Variants in MROH1 observed in about 807,000 individuals in gnomAD.
MROH1 encodes the protein maestro heat like repeat family member 1, also known as maestro heat-like repeat-containing protein family member 1.
In MROH1, 117 loss-of-function variants were observed where a neutral mutation model predicts 116.5. The ratio of observed to expected loss-of-function variants is 1.00; its 90% CI spans 0.86 to 1.17. The LOEUF is 1.17. MROH1 is among the 50% of genes most tolerant of loss of function. MROH1 has a pLI of 0.00. For synonymous variants in MROH1, 921 were observed against 583.9 expected, an observed-to-expected ratio of 1.58 and a Z score of -8.32; for missense variants, 1,873 against 1,338.5, an observed-to-expected ratio of 1.40 and a Z score of -6.23.
At chr8:144,222,748 G>A (rs1240061292) in intron 13 of MROH1, among the ~76,000 whole-genome samples, 1 of 152,016 alleles carries the variant, frequency 6.6e-6, no homozygotes, top group Non-Finnish European at 1.5e-5. Context: ...AAGTGTGGGT[G>A]CAGGCATAGG....
In MROH1 at chr8:144,163,931, G is replaced by C; in HGVS notation, c.22+83G>C. ...TCAGGGCAGGCCAAGGCTCTTACCA[G>C]CTCCAATGGTGCCTAGAGTTTCCAC... is the stretch of plus-strand genomic sequence containing the variant. On this transcript the variant is annotated intron_variant, in intron 3 of 43. Coordinates refer to ENST00000326134, the MANE Select transcript of MROH1 (RefSeq NM_032450.3). The surrounding 1 kb of genome is among the most constrained non-coding windows in gnomAD (Gnocchi z 4.4). The C allele has an allele frequency of 6.8e-7, 1 of 1,463,038 alleles. No individual in the cohort carries two copies. Among genetic ancestry groups the C allele is most frequent in the Non-Finnish European group, 9.5e-7 (1 of 1,053,276 alleles). 90.6% of individuals were successfully genotyped at this position (1,463,038 alleles called of 1,614,324 possible). A position where few individuals can be genotyped will look rare whatever the true frequency, so the allele number is the denominator to read the frequency against.
chr8:144,197,981 G>A (rs1308452479), intron 10 of MROH1, among the ~76,000 whole-genome samples: 1 of 149,940 alleles, frequency 6.7e-6, no homozygotes, highest in Non-Finnish European at 1.5e-5. Flanking sequence ...CCCGGGAGGC[G>A]GAGGTTGCAG....
intron 12 of MROH1, among the ~76,000 whole-genome samples, chr8:144,210,579 C>T (rs1191580043): frequency 6.6e-6 from 1 of 152,144 alleles, no homozygotes; most frequent in Admixed American, 6.6e-5. Context: ...GTCCCAGCTA[C>T]TCAGGAGGCT....
chr8:144,240,876 T>C, intron 20 of MROH1, 116 bp from the exon 21 acceptor site: 1 of 703,610 alleles, frequency 1.4e-6, no homozygotes, highest in Non-Finnish European at 2.6e-6. Flanking sequence ...AGACTCACCC[T>C]GCAGTTCTCA....
rs1448382874 is a variant in MROH1 at position 144,233,711 on chromosome 8, A to G, written c.1339-5045A>G. On this transcript the variant is annotated intron_variant, in intron 14 of 43. Coordinates refer to ENST00000326134, the MANE Select transcript of MROH1 (RefSeq NM_032450.3). ...TCAGGGCTCAATATTCCCTGTGTGG[A>G]GATGGCGAAGTGCTTATCCCACTTG... 2.6e-5 allele frequency among the ~76,000 whole-genome samples: 4 copies of G among 152,188 alleles called. No individual in the cohort carries two copies. The South Asian group carries it at 8.3e-4, about 31-fold the overall frequency.
intron 4 of MROH1, among the ~76,000 whole-genome samples, chr8:144,169,721 C>T (rs1428805477): frequency 1.3e-5 from 2 of 150,324 alleles, no homozygotes; most frequent in African/African-American, 4.9e-5. Flanking sequence ...CGGCTCACTG[C>T]AACCTCCACC....
At position 144,261,880 on chromosome 8, in the gene MROH1, C is replaced by A; in HGVS notation, c.*140C>A. ...GAACAGGCACTGCTGGGGACCAAAC[C>A]CAAGCCCTTCAGTGAGGGATGTGCC... On this transcript the variant is annotated 3_prime_UTR_variant, in exon 44 of 44. Coordinates refer to ENST00000326134, the MANE Select transcript of MROH1 (RefSeq NM_032450.3). 1.5e-6 allele frequency: 1 copy of A among 675,982 alleles called. No homozygotes were observed. The highest frequency in any genetic ancestry group is 2.7e-6 in the Non-Finnish European group (1 of 373,508). 41.9% of individuals were successfully genotyped at this position (675,982 alleles called of 1,614,324 possible).
At chr8:144,241,813 T>G (rs988574686) in intron 22 of MROH1, among the ~76,000 whole-genome samples, 1 of 152,216 alleles carries the variant, frequency 6.6e-6, no homozygotes, top group Non-Finnish European at 1.5e-5. Context: ...GGCTGGCAGA[T>G]TCTGCGTTCT....
intron 1 of MROH1, among the ~76,000 whole-genome samples, chr8:144,151,488 A>C (rs1479960099): frequency 6.6e-6 from 1 of 152,150 alleles, no homozygotes; most frequent in Non-Finnish European, 1.5e-5. Context: ...CAAGCAGCCC[A>C]ACTCCAGAGG....
intron 35 of MROH1, 130 bp from the exon 36 acceptor site, chr8:144,258,647 G>A: frequency 1.5e-6 from 1 of 677,536 alleles, no homozygotes; most frequent in Non-Finnish European, 2.7e-6. Context: ...GCTTCCTGGA[G>A]AGTGGCTCTG....
intron 23 of MROH1, 38 bp downstream of exon 23, chr8:144,242,553 G>A (rs1841187281): frequency 5.1e-6 from 4 of 780,304 alleles, no homozygotes; most frequent in East Asian, 4.8e-5. Context: ...AGGGGAGCTG[G>A]GGCTGCCGGG....
rs1350206574 is a variant in MROH1 at position 144,223,185 on chromosome 8, G to A, written c.1293G>A (p.Met431Ile). The A allele has an allele frequency of 6.2e-7, 1 of 1,611,902 alleles. No individual in the cohort carries two copies. Among genetic ancestry groups the A allele is most frequent in the Non-Finnish European group, 8.5e-7 (1 of 1,179,188 alleles). Residue 431 changes from methionine to isoleucine, a missense_variant, in exon 14 of 44, where the codon ATG becomes ATA. Coordinates refer to ENST00000326134, the MANE Select transcript of MROH1 (RefSeq NM_032450.3). ...GYLEQPGGEA[M>I]IEYIVQQCAL... The stretch of plus-strand genomic sequence containing the variant: ...TGGAGCAGCCTGGAGGTGAGGCGAT[G>A]ATCGAGTACATCGTGCAGCAGTGCG...
intron 1 of MROH1, among the ~76,000 whole-genome samples, chr8:144,160,593 A>G (rs1248716698): frequency 1.3e-5 from 2 of 152,166 alleles, no homozygotes; most frequent in Non-Finnish European, 2.9e-5. Flanking sequence ...GGCACCAGAC[A>G]AATTTATTAC....
intron 9 of MROH1, 32 bp downstream of exon 9, chr8:144,191,887 C>A: frequency 6.2e-7 from 1 of 1,611,436 alleles, no homozygotes. Flanking sequence ...CTACTGTCCC[C>A]GAGGACCCCT....
Position 144,259,372 on chromosome 8 carries a change from C to T in MROH1, c.4044+18C>T, listed in dbSNP as rs978227377. The stretch of plus-strand genomic sequence containing the variant: ...TGGCCGAGGTAGGCCCTTCCAGGGA[C>T]GGATGCTGGGCACCAAGGTGGGGCT... On this transcript the variant is annotated intron_variant, in intron 37 of 43. Coordinates refer to ENST00000326134, the MANE Select transcript of MROH1 (RefSeq NM_032450.3). The T allele has an allele frequency of 8.5e-5, 61 of 714,774 alleles. No individual in the cohort carries two copies. The Middle Eastern group carries it at 1.1e-3, about 13-fold the overall frequency. The allele number at this position is 714,774 out of a possible 1,614,324, so 44.3% of individuals were successfully genotyped here.
At chr8:144,223,028 C>T (rs1837116387) in intron 13 of MROH1, 80 bp from the exon 14 acceptor site, 1 of 1,579,214 alleles carries the variant, frequency 6.3e-7, no homozygotes, top group South Asian at 1.2e-5. Flanking sequence ...GGGAGGAAGA[C>T]TGAGGTTCCT....
intron 7 of MROH1, among the ~76,000 whole-genome samples, chr8:144,184,275 T>C (rs1445058435): frequency 6.6e-6 from 1 of 152,152 alleles, no homozygotes; most frequent in Non-Finnish European, 1.5e-5. Flanking sequence ...TCAGGCTGCA[T>C]GGCAGTGGCT....
chr8:144,248,660 C>T (rs1399010171), intron 31 of MROH1, among the ~76,000 whole-genome samples: 2 of 152,224 alleles, frequency 1.3e-5, no homozygotes, highest in Admixed American at 6.5e-5. Context: ...TCCAGGAGCC[C>T]GCCCAGGTTC....
intron 7 of MROH1, among the ~76,000 whole-genome samples, chr8:144,189,793 G>A (rs1272759136): frequency 6.6e-6 from 1 of 152,150 alleles, no homozygotes; most frequent in African/African-American, 2.4e-5. Context: ...GCACAAGTCT[G>A]TCTGTGAGGA....
Sources: allele counts gnomAD v4.1 joint callset (sites outside exome capture counted in the v4.1 genomes callset), GRCh38; gene constraint gnomAD v4.1.1; non-coding constraint Gnocchi (gnomAD v3.1); transcripts MANE v1.5; gene names NCBI Gene and HGNC (gene_info 2026-07-23, HGNC 2026-07-21).